The following PCDHGB7 variants were observed in gnomAD, a reference collection of about 807,000 sequenced individuals.
The protein encoded by PCDHGB7 is protocadherin gamma-B7.
A neutral mutation model predicts 61.4 loss-of-function variants in PCDHGB7; 37 were observed. The ratio of observed to expected loss-of-function variants is 0.60; its 90% CI spans 0.46 to 0.79. The LOEUF is 0.79. PCDHGB7 is among the 30% of genes least tolerant of loss of function. The pLI, the probability that PCDHGB7 is intolerant of heterozygous loss-of-function variation, is 0.00. For missense variants in PCDHGB7, 1,166 were observed against 1,202.5 expected (o/e 0.97, Z 0.45); for synonymous variants, 464 against 503.5 (o/e 0.92, Z 1.05).
At chr5:141,456,968 AAAAC>A (rs202005606) in intron 1 of PCDHGB7, among the ~76,000 whole-genome samples, 2,421 of 152,270 alleles carry the variant, frequency 0.016, 37 homozygotes, top group Non-Finnish European at 0.025. Context: ...ATCTCAAAAC[AAAAC>A]AAACAAACAA....
rs1310725827 is a variant in PCDHGB7, at chr5:141,500,934, T to C, written c.2475-4459T>C. The stretch of plus-strand genomic sequence containing the variant: ...TCCAGGCTGGGGTGCAGTGGCGCCA[T>C]CTCGGCTCACTGCAAGCTCCACCTC... On this transcript the variant is annotated intron_variant, in intron 2 of 3. Transcript: ENST00000398594. 5.9e-5 allele frequency among the ~76,000 whole-genome samples: 9 copies of C among 151,906 alleles called. 1 individual carries two copies. Among genetic ancestry groups the C allele is most frequent in the Non-Finnish European group, 1.3e-4 (9 of 68,020 alleles).
At chr5:141,422,724 G>T (rs560544401) in intron 1 of PCDHGB7, 3 of 1,606,016 alleles carry the variant, frequency 1.9e-6, no homozygotes, top group Admixed American at 3.3e-5. Context: ...CTGTCCAGGG[G>T]GTGCCTCTGT....
At chr5:141,478,513 G>A in intron 1 of PCDHGB7, 1 of 1,611,520 alleles carries the variant, frequency 6.2e-7, no homozygotes. Context: ...TCTATAGGCA[G>A]GTGTTGGGTG....
chr5:141,494,400 C>A (rs2099754045), intron 1 of PCDHGB7, among the ~76,000 whole-genome samples: 1 of 152,158 alleles, frequency 6.6e-6, no homozygotes, highest in African/African-American at 2.4e-5. Flanking sequence ...TAAATTCATT[C>A]TAGGGCTGGT....
intron 1 of PCDHGB7, among the ~76,000 whole-genome samples, chr5:141,474,116 A>G (rs2099342954): frequency 1.3e-5 from 2 of 152,234 alleles, no homozygotes; most frequent in African/African-American, 4.8e-5. Flanking sequence ...AACAACAACG[A>G]AAATCTCAGA....
At chr5:141,467,431 C>T (rs1452587540) in intron 1 of PCDHGB7, among the ~76,000 whole-genome samples, 1 of 152,170 alleles carries the variant, frequency 6.6e-6, no homozygotes, top group African/African-American at 2.4e-5. Flanking sequence ...GTTATAGAAA[C>T]ATTCATTACT....
At chr5:141,450,355 C>T (rs943649682) in intron 1 of PCDHGB7, among the ~76,000 whole-genome samples, 2 of 152,090 alleles carry the variant, frequency 1.3e-5, no homozygotes, top group Non-Finnish European at 2.9e-5. Context: ...TGAAACAGTT[C>T]CTCAGCCTTG....
chr5:141,487,824 C>A lies in PCDHGB7; in HGVS notation c.2416-6983C>A. The stretch of plus-strand genomic sequence containing the variant: ...TCACAGTTTAGCATTGGGGGCGGGT[C>A]ATGCCTATATCTGAGTAAGAAATGA... On this transcript the variant is annotated intron_variant, in intron 1 of 3. Coordinates refer to ENST00000398594, the MANE Select transcript of PCDHGB7 (RefSeq NM_018927.4). This position sits in a 1 kb window ranked among gnomAD's most constrained non-coding sequence, Gnocchi z 5.0. 2 of 1,247,252 alleles carry A rather than the reference C, an allele frequency of 1.6e-6. No individual in the cohort carries two copies. The highest frequency in any genetic ancestry group is 2.9e-5 in the South Asian group (2 of 68,154). The allele number at this position is 1,247,252 out of a possible 1,614,324, so 77.3% of individuals were successfully genotyped here. A position where few individuals can be genotyped will look rare whatever the true frequency, so the allele number is the denominator to read the frequency against.
chr5:141,456,427 T>A (rs1156577293), intron 1 of PCDHGB7, among the ~76,000 whole-genome samples: 1 of 152,166 alleles, frequency 6.6e-6, no homozygotes, highest in East Asian at 1.9e-4. Context: ...ATTCAAGTTA[T>A]AGTATTGAGT....
At position 141,512,045 on chromosome 5, in the gene PCDHGB7, C is replaced by T. The variant is rs568357347; in HGVS notation, c.*872C>T. On this transcript the variant is annotated 3_prime_UTR_variant, in exon 4 of 4. Transcript: ENST00000398594. ...GGCCTTGGAGGAGGCTCTGTATGTC[C>T]TCAGGGGACTGACAACATCCTCCAG... The T allele has an allele frequency of 1.5e-3, 224 of 152,846 alleles. 2 individuals are homozygous for T. The highest frequency in any genetic ancestry group is 4.6e-4 in the Non-Finnish European group (31 of 68,130). The allele number at this position is 152,846 out of a possible 1,614,324, so 9.5% of individuals were successfully genotyped here. A position where few individuals can be genotyped will look rare whatever the true frequency, so the allele number is the denominator to read the frequency against.
In PCDHGB7 at chr5:141,418,077, T is replaced by C. The variant is rs770464447; in HGVS notation, c.218T>C (p.Leu73Pro). 11 of 1,613,914 alleles carry C rather than the reference T, an allele frequency of 6.8e-6. No individual in the cohort carries two copies. The highest frequency in any genetic ancestry group is 8.5e-6 in the Non-Finnish European group (10 of 1,179,900). The change falls in exon 1 of 4, where the codon CTG (leucine) becomes CCG (proline). Residue 73 changes from leucine to proline, a missense_variant. By Grantham distance (98) the Leu-to-Pro change is moderately conservative. Coordinates refer to ENST00000398594, the MANE Select transcript of PCDHGB7 (RefSeq NM_018927.4). ...GAGCTGCGAGTGAGCGCGGAGAAGC[T>C]GCACTTCAGCGTAGACGCGCAGAGC... is the stretch of plus-strand genomic sequence containing the variant. ...ARELRVSAEKLHFSVDAQSGD... is the reference protein window; with the variant it reads ...ARELRVSAEKPHFSVDAQSGD...
Position 141,477,782 on chromosome 5 carries a change from T to G in PCDHGB7, c.2416-17025T>G, listed in dbSNP as rs763675478. 1.2e-5 allele frequency: 20 copies of G among 1,613,902 alleles called. No individual in the cohort carries two copies. Among genetic ancestry groups the G allele is most frequent in the Non-Finnish European group, 1.7e-5 (20 of 1,180,042 alleles). ...AGCCACCAACATCAGCGTGAACATA[T>G]TTGTCACTGATCGCAATGACAATGC... On this transcript the variant is annotated intron_variant, in intron 1 of 3. Coordinates refer to ENST00000398594, the MANE Select transcript of PCDHGB7 (RefSeq NM_018927.4). The surrounding 1 kb of genome is among the most constrained non-coding windows in gnomAD (Gnocchi z 4.9).
In PCDHGB7 at chr5:141,420,184, A is replaced by G; in HGVS notation, c.2325A>G (p.Pro775=). 5.0e-6 allele frequency: 8 copies of G among 1,613,990 alleles called. No homozygotes were observed. The highest frequency in any genetic ancestry group is 6.8e-6 in the Non-Finnish European group (8 of 1,179,834). The change falls in exon 1 of 4, where the codon CCA becomes CCG. Residue 775 remains proline, a synonymous_variant. Transcript: ENST00000398594. ...TTTTCACATCTGTTGATCATTGTCC[A>G]GCCACACAAGATAACCTCAACAAAG... is the stretch of plus-strand genomic sequence containing the variant. ...FNFFTSVDHC[P]ATQDNLNKDS... is the part of the protein sequence containing the mutation.
chr5:141,476,421 C>G lies in PCDHGB7; in HGVS notation c.2416-18386C>G. 1 of 1,614,026 alleles carries G rather than the reference C, an allele frequency of 6.2e-7. No homozygotes were observed. Among genetic ancestry groups the G allele is most frequent in the South Asian group, 1.1e-5 (1 of 91,066 alleles). On this transcript the variant is annotated intron_variant, in intron 1 of 3. Transcript: ENST00000398594. The surrounding 1 kb of genome is among the most constrained non-coding windows in gnomAD (Gnocchi z 7.6). ...CGAGAGGAGCTGTGTGGGACACTGC[C>G]CTCTTGCACTGTAACTCTGGAGTTG...
chr5:141,478,292 C>T, intron 1 of PCDHGB7: 1 of 1,614,146 alleles, frequency 6.2e-7, no homozygotes, highest in Non-Finnish European at 8.5e-7. Flanking sequence ...GTCTAGAGAC[C>T]TATACCGAGC....
At chr5:141,450,293 G>A (rs879439714) in intron 1 of PCDHGB7, among the ~76,000 whole-genome samples, 6 of 151,746 alleles carry the variant, frequency 4.0e-5, no homozygotes, top group Non-Finnish European at 7.4e-5. Flanking sequence ...GATTACAGGC[G>A]TGAGCCACCA....
At chr5:141,420,725 C>T (rs1468308275) in intron 1 of PCDHGB7, among the ~76,000 whole-genome samples, 1 of 152,188 alleles carries the variant, frequency 6.6e-6, no homozygotes, top group African/African-American at 2.4e-5. Flanking sequence ...TCCTTTCAGT[C>T]GGTTAAAATC....
intron 1 of PCDHGB7, chr5:141,484,946 C>T (rs2154580274): frequency 3.6e-6 from 2 of 561,448 alleles, no homozygotes; most frequent in Non-Finnish European, 6.4e-6. Flanking sequence ...CTCTGCTCAG[C>T]CTATTGGCTG....
At position 141,491,121 on chromosome 5, in the gene PCDHGB7, G is replaced by T. The variant is rs1176877834; in HGVS notation, c.2416-3686G>T. On this transcript the variant is annotated intron_variant, in intron 1 of 3. Transcript: ENST00000398594. The surrounding 1 kb of genome is among the most constrained non-coding windows in gnomAD (Gnocchi z 6.9). ...TCCTCGTGTCTACACACACTGGTGA[G>T]GTGCGCACAGCCCGGGCCTTACTGG... 5 of 1,614,200 alleles carry T rather than the reference G, an allele frequency of 3.1e-6. No individual in the cohort carries two copies. In the South Asian group the frequency reaches 5.5e-5, roughly 18 times the overall value.
Sources: gnomAD v4.1 joint callset for allele counts (sites outside exome capture counted in the v4.1 genomes callset) on GRCh38, gnomAD v4.1.1 for gene constraint, Gnocchi (gnomAD v3.1) non-coding constraint, MANE v1.5 for transcripts, NCBI Gene and HGNC (gene_info 2026-07-23, HGNC 2026-07-21) for gene names.